Variants in IMMP2L observed in about 807,000 individuals in gnomAD.
IMMP2L encodes mitochondrial inner membrane protease subunit 2.
Under a neutral mutation model 19.3 loss-of-function variants are expected in IMMP2L, and 18 were observed. That is an observed-to-expected ratio of 0.93 (90% CI 0.64 to 1.38). The LOEUF (loss-of-function observed/expected upper bound fraction) is 1.38, where lower values mean the gene tolerates loss of function less well. IMMP2L is among the 40% of genes most tolerant of loss of function. The pLI is 0.00. For missense variants in IMMP2L, 233 were observed against 218.2 expected (o/e 1.07, Z -0.43); for synonymous variants, 76 against 73.0 (o/e 1.04, Z -0.21).
chr7:110,720,392 A>G (rs1007394962), intron 5 of IMMP2L, among the ~76,000 whole-genome samples: 22 of 152,318 alleles, frequency 1.4e-4, no homozygotes, highest in African/African-American at 4.1e-4. Flanking sequence ...TGTTGTAACA[A>G]TTAGCGAAAG....
chr7:111,273,379 G>C (rs1818685395), intron 3 of IMMP2L, among the ~76,000 whole-genome samples: 2 of 151,986 alleles, frequency 1.3e-5, no homozygotes, highest in African/African-American at 2.4e-5. Flanking sequence ...GAGAAAGACA[G>C]GGATCAGATC....
intron 5 of IMMP2L, among the ~76,000 whole-genome samples, chr7:110,733,848 A>G: frequency 6.6e-6 from 1 of 152,046 alleles, no homozygotes; most frequent in African/African-American, 2.4e-5. Context: ...CCATCATGTG[A>G]GGATACAGCA....
Position 110,759,971 on chromosome 7 carries a change from A to G in IMMP2L, c.409-96250T>C, listed in dbSNP as rs568335227. Among the ~76,000 whole-genome samples, 8 of 152,216 alleles carry G rather than the reference A, an allele frequency of 5.3e-5. No individual in the cohort carries two copies. The East Asian group carries it at 1.5e-3, about 29-fold the overall frequency. ...CTTTGAATTCTTTATTAAGCTTTTT[A>G]ACAGACAATCTGCTCCAGCACTTTC... On this transcript the variant is annotated intron_variant, in intron 5 of 5. Coordinates refer to ENST00000405709, the MANE Select transcript of IMMP2L (RefSeq NM_032549.4).
intron 4 of IMMP2L, among the ~76,000 whole-genome samples, chr7:110,900,969 T>A (rs141615567): frequency 6.6e-6 from 1 of 152,114 alleles, no homozygotes; most frequent in East Asian, 1.9e-4. Context: ...CCTCCAGACA[T>A]ACCAAGGGCC....
intron 3 of IMMP2L, among the ~76,000 whole-genome samples, chr7:111,397,605 A>G (rs1193902638): frequency 1.3e-5 from 2 of 152,200 alleles, no homozygotes; most frequent in Non-Finnish European, 2.9e-5. Flanking sequence ...ATGATGGATG[A>G]AAAAGTATGT....
At chr7:110,981,979 A>C (rs1236376210) in intron 3 of IMMP2L, among the ~76,000 whole-genome samples, 2 of 152,160 alleles carry the variant, frequency 1.3e-5, no homozygotes, top group African/African-American at 4.8e-5. Flanking sequence ...ACTAAATATA[A>C]AGGGATTAAA....
intron 3 of IMMP2L, among the ~76,000 whole-genome samples, chr7:111,458,146 A>G (rs1362388363): frequency 6.6e-6 from 1 of 152,186 alleles, no homozygotes; most frequent in Non-Finnish European, 1.5e-5. Context: ...TGGGAGGCTG[A>G]GGCAGGTGGG....
At chr7:111,315,721 A>G (rs1823991866) in intron 3 of IMMP2L, among the ~76,000 whole-genome samples, 1 of 151,674 alleles carries the variant, frequency 6.6e-6, no homozygotes, top group Admixed American at 6.6e-5. Context: ...AACATTTCCT[A>G]GTGGCTTCTT....
intron 3 of IMMP2L, among the ~76,000 whole-genome samples, chr7:111,446,033 C>T (rs1563201573): frequency 6.6e-6 from 1 of 152,052 alleles, no homozygotes. Flanking sequence ...AGACTGTATC[C>T]CACACCTGGC....
chr7:111,301,475 T>C (rs1822233033), intron 3 of IMMP2L, among the ~76,000 whole-genome samples: 1 of 152,088 alleles, frequency 6.6e-6, no homozygotes, highest in Non-Finnish European at 1.5e-5. Flanking sequence ...GCCCAATTTA[T>C]CAATCTTTCC....
chr7:110,729,725 C>T (rs1796121860), intron 5 of IMMP2L, among the ~76,000 whole-genome samples: 1 of 152,090 alleles, frequency 6.6e-6, no homozygotes, highest in African/African-American at 2.4e-5. Context: ...AACACATGGA[C>T]ACATGGGTGG....
intron 3 of IMMP2L, among the ~76,000 whole-genome samples, chr7:111,469,177 G>A (rs150509975): frequency 0.011 from 1,606 of 152,248 alleles, 32 homozygotes; most frequent in African/African-American, 0.035. Flanking sequence ...ATAGTTTGAA[G>A]TCAGGTAGCG....
chr7:111,027,287 A>G (rs939632056), intron 3 of IMMP2L, among the ~76,000 whole-genome samples: 1 of 152,184 alleles, frequency 6.6e-6, no homozygotes, highest in African/African-American at 2.4e-5. Flanking sequence ...CTAGACAGAT[A>G]CAAGAGAAAC....
chr7:111,216,174 T>C (rs1485091475), intron 3 of IMMP2L, among the ~76,000 whole-genome samples: 1 of 152,142 alleles, frequency 6.6e-6, no homozygotes, highest in Admixed American at 6.5e-5. Context: ...ATCACCAATT[T>C]TGTCATCTCA....
intron 3 of IMMP2L, among the ~76,000 whole-genome samples, chr7:111,117,076 G>A (rs1799965263): frequency 6.6e-6 from 1 of 151,600 alleles, no homozygotes; most frequent in Non-Finnish European, 1.5e-5. Flanking sequence ...AGAAATAATG[G>A]CAGGTAACTA....
At chr7:111,354,354 C>T (rs1261341650) in intron 3 of IMMP2L, among the ~76,000 whole-genome samples, 1 of 151,512 alleles carries the variant, frequency 6.6e-6, no homozygotes, top group Non-Finnish European at 1.5e-5. Context: ...TATCAAAGGC[C>T]AAAGTACTTG....
intron 5 of IMMP2L, among the ~76,000 whole-genome samples, chr7:110,719,251 C>A (rs1281893901): frequency 6.6e-6 from 1 of 152,160 alleles, no homozygotes; most frequent in Admixed American, 6.5e-5. Context: ...TGGTCTCATG[C>A]ACCATCTGAC....
At chr7:111,165,735 C>A (rs1275965428) in intron 3 of IMMP2L, among the ~76,000 whole-genome samples, 2 of 151,924 alleles carry the variant, frequency 1.3e-5, no homozygotes, top group African/African-American at 4.8e-5. Flanking sequence ...TTCACAGCAC[C>A]AAAACAAATC....
intron 3 of IMMP2L, among the ~76,000 whole-genome samples, chr7:111,009,774 A>G (rs559150140): frequency 2.0e-5 from 3 of 152,248 alleles, no homozygotes; most frequent in African/African-American, 7.2e-5. Flanking sequence ...TTCATATTCT[A>G]CTTTGGAAAA....
Sources: allele counts gnomAD v4.1 joint callset (sites outside exome capture counted in the v4.1 genomes callset), GRCh38; gene constraint gnomAD v4.1.1; transcripts MANE v1.5; gene names NCBI Gene and HGNC (gene_info 2026-07-23, HGNC 2026-07-21).